The following RCHY1 variants were observed in gnomAD, a reference collection of about 807,000 sequenced individuals.
RCHY1 encodes the protein ring finger and CHY zinc finger domain containing 1.
In RCHY1, 21 loss-of-function variants were observed where a neutral mutation model predicts 41.6. The ratio of observed to expected loss-of-function variants is 0.51; its 90% CI spans 0.36 to 0.73. The LOEUF is 0.73. Among genes scored for constraint, RCHY1 ranks in the 30% least tolerant of loss-of-function variants. RCHY1 has a pLI of 0.00. For missense variants in RCHY1, 265 were observed against 325.3 expected (o/e 0.81, Z 1.43); for synonymous variants, 79 against 102.9 (o/e 0.77, Z 1.41).
chr4:75,496,377 A>C (rs766041795), intron 3 of RCHY1, among the ~76,000 whole-genome samples: 5 of 152,114 alleles, frequency 3.3e-5, no homozygotes, highest in Non-Finnish European at 4.4e-5. Context: ...GAGCTGAGAC[A>C]GTCTAGAGAA....
At chr4:75,491,444 C>T in intron 7 of RCHY1, 167 bp downstream of exon 7, 1 of 585,298 alleles carries the variant, frequency 1.7e-6, no homozygotes, top group South Asian at 2.5e-5. Context: ...GTTCTATATC[C>T]AAGACACTTT....
chr4:75,493,746 T>G (rs1433494903), intron 4 of RCHY1, among the ~76,000 whole-genome samples: 1 of 151,906 alleles, frequency 6.6e-6, no homozygotes, highest in Admixed American at 6.6e-5. Flanking sequence ...TTTTCTGAAT[T>G]TTCTTAGAAT....
At chr4:75,493,342 G>A (rs1722915315) in intron 4 of RCHY1, among the ~76,000 whole-genome samples, 1 of 151,658 alleles carries the variant, frequency 6.6e-6, no homozygotes, top group African/African-American at 2.4e-5. Context: ...TTACTATTTA[G>A]GCCAAGTTCT....
intron 1 of RCHY1, among the ~76,000 whole-genome samples, chr4:75,512,642 C>A (rs991426865): frequency 1.3e-5 from 2 of 152,092 alleles, no homozygotes; most frequent in African/African-American, 4.8e-5. Context: ...CTCCCAGCAA[C>A]CACATCTTTT....
At chr4:75,490,494 T>TATA (rs372325516) in intron 8 of RCHY1, 87 bp downstream of exon 8, 22 of 711,310 alleles carry the variant, frequency 3.1e-5, no homozygotes, top group African/African-American at 7.9e-5. Context: ...TATATATATA[T>TATA]TTTTTTTTTG....
chr4:75,513,059 T>C (rs1725107313), intron 1 of RCHY1, among the ~76,000 whole-genome samples: 1 of 152,096 alleles, frequency 6.6e-6, no homozygotes, highest in African/African-American at 2.4e-5. Flanking sequence ...ATAATACATC[T>C]CAGTAGAAAT....
intron 3 of RCHY1, among the ~76,000 whole-genome samples, chr4:75,494,763 G>A (rs1190032774): frequency 7.3e-6 from 1 of 136,920 alleles, no homozygotes; most frequent in African/African-American, 2.7e-5. Flanking sequence ...TTGTGATACT[G>A]CCAAACTGAC....
chr4:75,495,416 A>G (rs58067589), intron 3 of RCHY1, among the ~76,000 whole-genome samples: 3,684 of 152,108 alleles, frequency 0.024, 158 homozygotes, highest in African/African-American at 0.084. Context: ...CTTCTTCTAC[A>G]ATGATAGGGT....
At chr4:75,499,877 G>A (rs906576651) in intron 3 of RCHY1, among the ~76,000 whole-genome samples, 2 of 152,174 alleles carry the variant, frequency 1.3e-5, no homozygotes, top group East Asian at 1.9e-4. Flanking sequence ...GGGTGACTAC[G>A]GTTTACATTA....
intron 8 of RCHY1, among the ~76,000 whole-genome samples, chr4:75,484,740 G>T (rs544906117): frequency 4.1e-4 from 62 of 152,046 alleles, no homozygotes; most frequent in Non-Finnish European, 5.9e-5. Flanking sequence ...AGGATAAAAT[G>T]CCATTTGCTT....
At chr4:75,487,485 C>CATAAT (rs1553917479) in intron 8 of RCHY1, among the ~76,000 whole-genome samples, 2 of 89,272 alleles carry the variant, frequency 2.2e-5, no homozygotes, top group African/African-American at 3.9e-5. Context: ...TATATATAGT[C>CATAAT]ATATATATTC....
Position 75,480,552 on chromosome 4 carries a change from G to C in RCHY1, c.*1986C>G, listed in dbSNP as rs1213763021. 1 of 152,132 alleles carries C rather than the reference G, an allele frequency of 6.6e-6. No homozygotes were observed. The highest frequency in any genetic ancestry group is 1.5e-5 in the Non-Finnish European group (1 of 68,038). 9.4% of individuals were successfully genotyped at this position (152,132 alleles called of 1,614,324 possible). A position where few individuals can be genotyped will look rare whatever the true frequency, so the allele number is the denominator to read the frequency against. ...CTATGAGGACAACACTTACCCCACA[G>C]AATCATTGTAGTAATTAATGCTAAT... On this transcript the variant is annotated 3_prime_UTR_variant, in exon 9 of 9. Transcript: ENST00000324439.
At chr4:75,504,170 T>C (rs1304595867) in intron 3 of RCHY1, among the ~76,000 whole-genome samples, 1 of 152,214 alleles carries the variant, frequency 6.6e-6, no homozygotes, top group Non-Finnish European at 1.5e-5. Flanking sequence ...AATTACAAGC[T>C]AGAACCTATT....
At chr4:75,495,492 C>T (rs993224443) in intron 3 of RCHY1, among the ~76,000 whole-genome samples, 2 of 152,010 alleles carry the variant, frequency 1.3e-5, no homozygotes, top group Non-Finnish European at 2.9e-5. Flanking sequence ...CATACCTGGA[C>T]GTTGGGAACA....
chr4:75,481,144 C>G lies in RCHY1; in HGVS notation c.*1394G>C, dbSNP rs144877628. 2.6e-5 allele frequency: 4 copies of G among 152,178 alleles called. No homozygotes were observed. The highest frequency in any genetic ancestry group is 5.9e-5 in the Non-Finnish European group (4 of 68,028). The allele number at this position is 152,178 out of a possible 1,614,324, so 9.4% of individuals were successfully genotyped here. On this transcript the variant is annotated 3_prime_UTR_variant, in exon 9 of 9. Coordinates refer to ENST00000324439, the MANE Select transcript of RCHY1 (RefSeq NM_015436.4). ...GAAAGAACATAAGAAGAGTGGAATACAGAAGACAAGAAGGTGGGATAAAAT... is the reference window on the plus strand; with the variant it reads ...GAAAGAACATAAGAAGAGTGGAATAGAGAAGACAAGAAGGTGGGATAAAAT...
At chr4:75,514,522 T>C (rs62318633), upstream of RCHY1, 1 of 500,382 alleles carries the variant, frequency 2.0e-6, no homozygotes, top group Non-Finnish European at 3.6e-6. Flanking sequence ...CTGCTAACGG[T>C]AATAACTCTT....
intron 3 of RCHY1, among the ~76,000 whole-genome samples, chr4:75,506,258 G>A (rs1002044317): frequency 6.8e-6 from 1 of 148,114 alleles, no homozygotes; most frequent in Non-Finnish European, 1.5e-5. Flanking sequence ...ATAGCATCGA[G>A]AGCTTAATAA....
chr4:75,504,529 A>C (rs1409945167), intron 3 of RCHY1, among the ~76,000 whole-genome samples: 1 of 152,232 alleles, frequency 6.6e-6, no homozygotes, highest in African/African-American at 2.4e-5. Context: ...TATAACATAC[A>C]AAATATGTAT....
intron 7 of RCHY1, chr4:75,491,209 T>C (rs897261217): frequency 6.0e-6 from 1 of 165,708 alleles, no homozygotes; most frequent in Non-Finnish European, 1.3e-5. Flanking sequence ...ATTAATAAAG[T>C]CTTAGCTTTA....
Sources: allele counts gnomAD v4.1 joint callset (sites outside exome capture counted in the v4.1 genomes callset), GRCh38; gene constraint gnomAD v4.1.1; transcripts MANE v1.5; gene names NCBI Gene and HGNC (gene_info 2026-07-23, HGNC 2026-07-21).